The following CSMD1 variants were observed in gnomAD, a reference collection of about 807,000 sequenced individuals.
CSMD1 encodes CUB and Sushi multiple domains 1.
In CSMD1, 213 loss-of-function variants were observed where a neutral mutation model predicts 417.5. The observed-to-expected ratio is 0.51, with a 90% CI of 0.46 to 0.57. CSMD1 has a LOEUF of 0.57. Among genes scored for constraint, CSMD1 ranks in the 20% least tolerant of loss-of-function variants. The pLI is 0.00. For synonymous variants in CSMD1, 2,862 were observed against 1,736.8 expected (o/e 1.65, Z -16.11); for missense variants, 6,923 against 4,529.7 (o/e 1.53, Z -15.17).
At chr8:4,157,606 A>C (rs1212044132) in intron 3 of CSMD1, among the ~76,000 whole-genome samples, 2 of 152,128 alleles carry the variant, frequency 1.3e-5, no homozygotes, top group Non-Finnish European at 2.9e-5. Flanking sequence ...AACAAATGCA[A>C]ATCTTTCACG....
intron 3 of CSMD1, among the ~76,000 whole-genome samples, chr8:4,180,779 T>C (rs142455520): frequency 6.6e-5 from 10 of 152,262 alleles, no homozygotes; most frequent in Non-Finnish European, 8.8e-5. Context: ...TGTGTTAATC[T>C]AATATCTGTA....
intron 1 of CSMD1, among the ~76,000 whole-genome samples, chr8:4,787,159 G>T (rs1346393380): frequency 6.6e-6 from 1 of 152,196 alleles, no homozygotes; most frequent in Non-Finnish European, 1.5e-5. Flanking sequence ...CTCCGGGTTC[G>T]GCCGCTGTAG....
At chr8:3,764,957 C>T (rs916171314) in intron 5 of CSMD1, among the ~76,000 whole-genome samples, 3 of 151,938 alleles carry the variant, frequency 2.0e-5, no homozygotes, top group Non-Finnish European at 4.4e-5. Flanking sequence ...GTTGACCAGG[C>T]TGGTCTCGAA....
At chr8:4,344,913 G>T (rs899591999) in intron 3 of CSMD1, among the ~76,000 whole-genome samples, 1 of 152,134 alleles carries the variant, frequency 6.6e-6, no homozygotes, top group African/African-American at 2.4e-5. Flanking sequence ...CAGGCACTAT[G>T]CAACAGGTTG....
At chr8:4,301,513 C>G (rs1192012056) in intron 3 of CSMD1, among the ~76,000 whole-genome samples, 1 of 152,168 alleles carries the variant, frequency 6.6e-6, no homozygotes, top group Non-Finnish European at 1.5e-5. Context: ...GAAAGCTCTA[C>G]TCTTGTTTGA....
intron 57 of CSMD1, 128 bp downstream of exon 57, chr8:2,972,989 C>CG: frequency 1.1e-6 from 1 of 890,822 alleles, no homozygotes; most frequent in African/African-American, 1.7e-5. Context: ...ACAAATATTG[C>CG]GGGGAAAAGA....
intron 2 of CSMD1, among the ~76,000 whole-genome samples, chr8:4,500,170 C>A (rs1472238082): frequency 1.3e-5 from 2 of 152,058 alleles, no homozygotes; most frequent in East Asian, 3.9e-4. Context: ...TATAAAGAGG[C>A]TGGGAGAATA....
chr8:3,904,039 C>T (rs1396029131), intron 5 of CSMD1, among the ~76,000 whole-genome samples: 2 of 152,110 alleles, frequency 1.3e-5, no homozygotes, highest in Non-Finnish European at 2.9e-5. Context: ...AATGTCACTT[C>T]CTGCAGCCCT....
chr8:4,150,996 A>G (rs533586325), intron 3 of CSMD1, among the ~76,000 whole-genome samples: 8 of 152,318 alleles, frequency 5.3e-5, no homozygotes, highest in Middle Eastern at 3.4e-3. Context: ...ATTATTTTGG[A>G]GAAATGATGC....
At chr8:4,691,374 T>C (rs368818835) in intron 1 of CSMD1, among the ~76,000 whole-genome samples, 5 of 152,212 alleles carry the variant, frequency 3.3e-5, no homozygotes, top group Non-Finnish European at 4.4e-5. Flanking sequence ...CTCACCTAGA[T>C]AGACACCTAT....
At chr8:3,856,072 T>C (rs1406530710) in intron 5 of CSMD1, among the ~76,000 whole-genome samples, 7 of 152,130 alleles carry the variant, frequency 4.6e-5, no homozygotes, top group Non-Finnish European at 8.8e-5. Context: ...ATGGTTTGGA[T>C]CTGTGTTCCC....
At chr8:3,009,764 T>TG (rs1808238891) in intron 52 of CSMD1, among the ~76,000 whole-genome samples, 1 of 152,156 alleles carries the variant, frequency 6.6e-6, no homozygotes, top group Non-Finnish European at 1.5e-5. Context: ...ATGGAGGTAT[T>TG]GGGCTTGCAG....
intron 3 of CSMD1, among the ~76,000 whole-genome samples, chr8:4,124,170 G>A (rs1165146722): frequency 6.6e-6 from 1 of 152,184 alleles, no homozygotes; most frequent in African/African-American, 2.4e-5. Context: ...CGGAGGCGCA[G>A]GGGAGGAAGT....
At chr8:3,411,308 G>A (rs1490757804) in intron 12 of CSMD1, among the ~76,000 whole-genome samples, 2 of 152,094 alleles carry the variant, frequency 1.3e-5, no homozygotes, top group African/African-American at 2.4e-5. Flanking sequence ...TCTTGCAGGG[G>A]CCAAGAGCAA....
At chr8:3,064,355 C>T (rs1022030284) in intron 49 of CSMD1, among the ~76,000 whole-genome samples, 5 of 152,092 alleles carry the variant, frequency 3.3e-5, no homozygotes, top group African/African-American at 4.8e-5. Flanking sequence ...GGTTTGAAAG[C>T]CTGTGGCATT....
intron 5 of CSMD1, among the ~76,000 whole-genome samples, chr8:3,762,645 G>A (rs145629159): frequency 1.4e-3 from 209 of 152,294 alleles, no homozygotes; most frequent in African/African-American, 4.7e-3. Context: ...AGGTATAATC[G>A]CCCTGCTGAC....
intron 8 of CSMD1, among the ~76,000 whole-genome samples, chr8:3,606,797 A>G (rs1287896847): frequency 6.7e-6 from 1 of 149,568 alleles, no homozygotes; most frequent in African/African-American, 2.5e-5. Context: ...CGCAACCTCC[A>G]CTTCCTGGGT....
At chr8:4,541,294 G>A (rs914260482) in intron 2 of CSMD1, among the ~76,000 whole-genome samples, 2 of 152,138 alleles carry the variant, frequency 1.3e-5, no homozygotes, top group South Asian at 2.1e-4. Context: ...GGCACGTGCT[G>A]ATCATAACTA....
In CSMD1 at chr8:3,930,942, TA is replaced by T. The variant is rs1240852329; in HGVS notation, c.818+66960del. On this transcript the variant is annotated intron_variant, in intron 5 of 69. Coordinates refer to ENST00000635120, the MANE Select transcript of CSMD1 (RefSeq NM_033225.6). ...ATGGTTCAATTGTTGCTAGGATTCTTAAAAACCTAAAATACATCAGCAAAAA... is the reference window on the plus strand; with the variant it reads ...ATGGTTCAATTGTTGCTAGGATTCTTAAAACCTAAAATACATCAGCAAAAA... Among the ~76,000 whole-genome samples, 6 of 150,582 alleles carry T rather than the reference TA, an allele frequency of 4.0e-5. 2 individuals carry two copies. The highest frequency in any genetic ancestry group is 8.9e-5 in the Non-Finnish European group (6 of 67,578).
Sources: gnomAD v4.1 joint callset for allele counts (sites outside exome capture counted in the v4.1 genomes callset) on GRCh38, gnomAD v4.1.1 for gene constraint, MANE v1.5 for transcripts, NCBI Gene and HGNC (gene_info 2026-07-23, HGNC 2026-07-21) for gene names.